The following BIN3 variants were observed in gnomAD, a reference collection of about 807,000 sequenced individuals.
BIN3 encodes the protein bridging integrator 3.
BIN3 carries 41 observed loss-of-function variants against 38.2 expected under a neutral mutation model. The ratio of observed to expected loss-of-function variants is 1.07; its 90% confidence interval spans 0.84 to 1.39. BIN3 has a LOEUF of 1.39. Among genes scored for constraint, BIN3 ranks in the 40% most tolerant of loss-of-function variants. The probability of loss-of-function intolerance (pLI) is 0.00; values close to 1 mark genes in which losing one functional copy is unlikely to be tolerated. For missense variants in BIN3, 361 were observed against 324.3 expected (o/e 1.11, Z -0.87); for synonymous variants, 145 against 122.6 (o/e 1.18, Z -1.21).
intron 4 of BIN3, among the ~76,000 whole-genome samples, chr8:22,635,141 T>C (rs1392086117): frequency 6.6e-6 from 1 of 152,190 alleles, no homozygotes; most frequent in Non-Finnish European, 1.5e-5. Flanking sequence ...CCCTTGGCTC[T>C]ACCTGTGTGG....
chr8:22,625,463 G>A, intron 6 of BIN3: 1 of 701,286 alleles, frequency 1.4e-6, no homozygotes, highest in Non-Finnish European at 2.6e-6. Context: ...AGGGCAGGAA[G>A]CAGTTACTGA....
At chr8:22,634,539 G>A (rs6558172) in intron 4 of BIN3, 310,395 of 455,812 alleles carry the variant, frequency 0.68, 107,134 homozygotes, top group Admixed American at 0.75. Flanking sequence ...GCATAAAATG[G>A]GAACAAATTC....
chr8:22,666,221 A>G (rs907484005), intron 1 of BIN3, among the ~76,000 whole-genome samples: 1 of 151,886 alleles, frequency 6.6e-6, no homozygotes, highest in Non-Finnish European at 1.5e-5. Context: ...TGAGGTCACT[A>G]TTCTTAATTC....
At chr8:22,661,950 T>G (rs1803249813) in intron 1 of BIN3, among the ~76,000 whole-genome samples, 5 of 137,112 alleles carry the variant, frequency 3.6e-5, no homozygotes, top group Admixed American at 3.6e-4. Context: ...ACCACCACCA[T>G]GCCCGGCTAA....
rs1187425198 is a variant in BIN3, at chr8:22,658,795, G to A, written c.8+10249C>T. ...ACCCACAGTTTTGGGGGCGAGGGAG[G>A]TAAGGGAGGTGAGAATGGAGGGAGG... On this transcript the variant is annotated intron_variant, in intron 1 of 8. Transcript: ENST00000276416. Among the ~76,000 whole-genome samples, 3 of 152,322 alleles carry A rather than the reference G, an allele frequency of 2.0e-5. No individual in the cohort carries two copies. The East Asian group carries it at 5.8e-4, about 29-fold the overall frequency.
At chr8:22,647,011 A>G (rs1802735191) in intron 1 of BIN3, among the ~76,000 whole-genome samples, 3 of 152,232 alleles carry the variant, frequency 2.0e-5, no homozygotes, top group South Asian at 4.1e-4. Context: ...TCGACCCGGT[A>G]TCAGAAAACG....
chr8:22,663,824 C>A (rs894265054), intron 1 of BIN3, among the ~76,000 whole-genome samples: 1 of 152,212 alleles, frequency 6.6e-6, no homozygotes, highest in Non-Finnish European at 1.5e-5. Flanking sequence ...CTCCCTCCCA[C>A]TGAAACAGCA....
At chr8:22,640,235 T>C (rs1802504030) in intron 2 of BIN3, among the ~76,000 whole-genome samples, 1 of 151,772 alleles carries the variant, frequency 6.6e-6, no homozygotes. Flanking sequence ...TGGAGCGCGG[T>C]GGCACAATCT....
At chr8:22,661,801 C>T (rs1405527577) in intron 1 of BIN3, among the ~76,000 whole-genome samples, 1 of 151,544 alleles carries the variant, frequency 6.6e-6, no homozygotes, top group African/African-American at 2.4e-5. Context: ...CATATATATA[C>T]ATTTTTTTTG....
Position 22,621,738 on chromosome 8 carries a change from C to A in BIN3, c.616-170G>T, listed in dbSNP as rs187119441. On this transcript the variant is annotated intron_variant, in intron 8 of 8. Transcript: ENST00000276416. ...CGGAAGGGCTCTAGCTGAGACTGAA[C>A]CAAAAGGAGCCGGGGAGCAACAGGG... 1.7e-3 allele frequency among the ~76,000 whole-genome samples: 266 copies of A among 152,294 alleles called. 1 individual carries two copies. The highest frequency in any genetic ancestry group is 5.0e-3 in the Admixed American group (76 of 15,306).
At chr8:22,635,554 G>A (rs139167910) in intron 4 of BIN3, among the ~76,000 whole-genome samples, 3 of 152,274 alleles carry the variant, frequency 2.0e-5, no homozygotes, top group Non-Finnish European at 4.4e-5. Context: ...CGACGGTGAT[G>A]ACAGGAGCGG....
intron 1 of BIN3, among the ~76,000 whole-genome samples, chr8:22,660,186 C>G (rs1803188984): frequency 6.6e-6 from 1 of 152,192 alleles, no homozygotes; most frequent in East Asian, 1.9e-4. Context: ...CTCAAGGAGG[C>G]AAGTTTGGAT....
intron 1 of BIN3, among the ~76,000 whole-genome samples, chr8:22,655,006 A>G (rs1433301675): frequency 6.6e-6 from 1 of 152,210 alleles, no homozygotes; most frequent in Non-Finnish European, 1.5e-5. Flanking sequence ...CATTTTAGCC[A>G]TCCTAGTGGG....
chr8:22,649,647 T>C (rs1332980457), intron 1 of BIN3, among the ~76,000 whole-genome samples: 1 of 152,130 alleles, frequency 6.6e-6, no homozygotes, highest in African/African-American at 2.4e-5. Flanking sequence ...GGTGAGAATA[T>C]GATTACTGTT....
chr8:22,653,996 A>G (rs1028326023), intron 1 of BIN3, among the ~76,000 whole-genome samples: 31 of 152,294 alleles, frequency 2.0e-4, no homozygotes, highest in Admixed American at 1.6e-3. Flanking sequence ...TAAACTATTC[A>G]TAGTTTTCAA....
chr8:22,628,438 G>C (rs955099726), intron 6 of BIN3, among the ~76,000 whole-genome samples: 2 of 152,204 alleles, frequency 1.3e-5, no homozygotes, highest in African/African-American at 4.8e-5. Flanking sequence ...TCGTATGTCA[G>C]CTGTGGGGAT....
At chr8:22,655,577 T>C (rs374802830) in intron 1 of BIN3, among the ~76,000 whole-genome samples, 1 of 152,212 alleles carries the variant, frequency 6.6e-6, no homozygotes, top group Non-Finnish European at 1.5e-5. Flanking sequence ...TACAAATCAA[T>C]TGTCCATATA....
rs759272697 is a variant in BIN3 at position 22,623,876 on chromosome 8, G to C, written c.615+39C>G. ...GGTGACAGGGAGTGGCATGAGCTGT[G>C]TATACCAAGCCCAGGGGAAGAGCAC... is the stretch of plus-strand genomic sequence containing the variant. On this transcript the variant is annotated intron_variant, in intron 8 of 8. Transcript: ENST00000276416. 12 of 1,602,780 alleles carry C rather than the reference G, an allele frequency of 7.5e-6. No homozygotes were observed. In the South Asian group the frequency reaches 1.0e-4, roughly 13 times the overall value.
chr8:22,655,125 C>T (rs1374578570), intron 1 of BIN3, among the ~76,000 whole-genome samples: 1 of 152,146 alleles, frequency 6.6e-6, no homozygotes, highest in Non-Finnish European at 1.5e-5. Context: ...AAATCCTTTG[C>T]TCATTCTAAA....
Sources: gnomAD v4.1 joint callset for allele counts (sites outside exome capture counted in the v4.1 genomes callset) on GRCh38, gnomAD v4.1.1 for gene constraint, MANE v1.5 for transcripts, NCBI Gene and HGNC (gene_info 2026-07-23, HGNC 2026-07-21) for gene names.